Variants in CREB3L2 observed in about 807,000 individuals in gnomAD.
CREB3L2 encodes the protein cAMP responsive element binding protein 3 like 2, also known as cyclic AMP-responsive element-binding protein 3-like protein 2.
In CREB3L2, 23 loss-of-function variants were observed where a neutral mutation model predicts 57.2. That is an observed-to-expected ratio of 0.40 (90% CI 0.29 to 0.57). CREB3L2 has a LOEUF of 0.57. Ranked by LOEUF, CREB3L2 falls within the 20% of genes least tolerant of loss-of-function variation. CREB3L2 has a pLI of 0.42. For missense variants in CREB3L2, 628 were observed against 634.7 expected (o/e 0.99, Z 0.11); for synonymous variants, 268 against 265.1 (o/e 1.01, Z -0.11).
chr7:137,941,090 C>T lies in CREB3L2; in HGVS notation c.103-12724G>A, dbSNP rs189705585. On this transcript the variant is annotated intron_variant, in intron 1 of 11. Coordinates refer to ENST00000330387, the MANE Select transcript of CREB3L2 (RefSeq NM_194071.4). Reference sequence around the variant, plus strand: ...CATGTGTTGAGACATACCAGGGGATCTTAGCCTTTGAAACCCTTGTGTTAT... The same window carrying T: ...CATGTGTTGAGACATACCAGGGGATTTTAGCCTTTGAAACCCTTGTGTTAT... Among the ~76,000 whole-genome samples, 589 of 152,300 alleles carry T rather than the reference C, an allele frequency of 3.9e-3. 5 individuals carry two copies. Among genetic ancestry groups the T allele is most frequent in the African/African-American group, 0.013 (544 of 41,566 alleles).
chr7:137,991,457 C>T (rs1585681534), intron 1 of CREB3L2, among the ~76,000 whole-genome samples: 1 of 152,018 alleles, frequency 6.6e-6, no homozygotes, highest in East Asian at 1.9e-4. Context: ...AGCCACCGCG[C>T]CTGGCCTTAA....
intron 8 of CREB3L2, among the ~76,000 whole-genome samples, chr7:137,899,817 A>G (rs1799715402): frequency 6.6e-6 from 1 of 152,228 alleles, no homozygotes; most frequent in African/African-American, 2.4e-5. Context: ...GCTTATGTCT[A>G]TATTAGCTGG....
intron 2 of CREB3L2, among the ~76,000 whole-genome samples, 189 bp downstream of exon 2, chr7:137,927,961 G>A (rs75361288): frequency 0.027 from 4,066 of 152,194 alleles, 104 homozygotes; most frequent in East Asian, 0.11. Context: ...GGGAACCTGG[G>A]CAGTGTAGAG....
chr7:137,887,120 G>A (rs530682047), intron 8 of CREB3L2, among the ~76,000 whole-genome samples: 1 of 152,276 alleles, frequency 6.6e-6, no homozygotes, highest in East Asian at 1.9e-4. Flanking sequence ...TAAGTTCACT[G>A]GAAAACATCA....
chr7:137,985,221 T>C (rs530130434), intron 1 of CREB3L2, among the ~76,000 whole-genome samples: 2 of 152,274 alleles, frequency 1.3e-5, no homozygotes, highest in South Asian at 2.1e-4. Flanking sequence ...AAAATGCTAG[T>C]TGGTCCAGAT....
rs185658503 is a variant in CREB3L2 at position 137,908,709 on chromosome 7, C to T, written c.584-273G>A. Reference sequence around the variant, plus strand: ...CGACCAGGGGCCAGGCAAGGTGGCTCATGGCTGTAATCCCAGCACTTTGGG... The same window carrying T: ...CGACCAGGGGCCAGGCAAGGTGGCTTATGGCTGTAATCCCAGCACTTTGGG... On this transcript the variant is annotated intron_variant, in intron 4 of 11. Coordinates refer to ENST00000330387, the MANE Select transcript of CREB3L2 (RefSeq NM_194071.4). Among the ~76,000 whole-genome samples the T allele has an allele frequency of 2.1e-4, 32 of 152,274 alleles. No homozygotes were observed. The East Asian group carries it at 6.2e-3, about 29-fold the overall frequency.
At chr7:137,911,341 G>C (rs183020977) in intron 4 of CREB3L2, among the ~76,000 whole-genome samples, 99 of 152,260 alleles carry the variant, frequency 6.5e-4, no homozygotes, top group African/African-American at 2.2e-3. Flanking sequence ...TAAAGGGCCA[G>C]CCCTGATTAC....
At chr7:137,996,227 A>C (rs1443783308) in intron 1 of CREB3L2, among the ~76,000 whole-genome samples, 1 of 152,234 alleles carries the variant, frequency 6.6e-6, no homozygotes, top group African/African-American at 2.4e-5. Context: ...TCTTACTAAC[A>C]CTAAAATTTC....
chr7:137,885,101 G>C lies in CREB3L2; in HGVS notation c.1164C>G (p.Ala388=). 1.2e-6 allele frequency: 2 copies of C among 1,614,108 alleles called. No individual in the cohort carries two copies. The highest frequency in any genetic ancestry group is 1.7e-6 in the Non-Finnish European group (2 of 1,180,018). The change falls in exon 10 of 12, where the codon GCC becomes GCG. Residue 388 remains alanine, a synonymous_variant. Coordinates refer to ENST00000330387, the MANE Select transcript of CREB3L2 (RefSeq NM_194071.4). ...TCLMVVVLCF[A]VAFGSFFQGY... is the part of the protein sequence containing the mutation. ...CTTGAAAGAAGCTGCCGAATGCAAC[G>C]GCAAAGCACAGCACCACAACCTGTG...
rs190971680 is a variant in CREB3L2 at position 137,970,792 on chromosome 7, G to C, written c.102+30812C>G. ...GACAGCAGGCGTGGGGCCAGCAACCGTTAAACACACTTTTGTATCCTCCAC... is the reference window on the plus strand; with the variant it reads ...GACAGCAGGCGTGGGGCCAGCAACCCTTAAACACACTTTTGTATCCTCCAC... On this transcript the variant is annotated intron_variant, in intron 1 of 11. Transcript: ENST00000330387. Among the ~76,000 whole-genome samples, 564 of 152,258 alleles carry C rather than the reference G, an allele frequency of 3.7e-3. 3 individuals carry two copies. The highest frequency in any genetic ancestry group is 6.8e-3 in the Middle Eastern group (2 of 294).
chr7:137,983,210 G>A (rs77401577), intron 1 of CREB3L2, among the ~76,000 whole-genome samples: 4,652 of 152,160 alleles, frequency 0.031, 120 homozygotes, highest in Middle Eastern at 0.051. Context: ...CCAACCACAC[G>A]GCCCTATGAC....
At chr7:137,916,610 T>A (rs1585622180) in intron 2 of CREB3L2, among the ~76,000 whole-genome samples, 1 of 151,762 alleles carries the variant, frequency 6.6e-6, no homozygotes, top group African/African-American at 2.4e-5. Flanking sequence ...CCCAGCTACT[T>A]GGGAGGCTGA....
At chr7:137,922,440 A>ATATATATATATATATATATATATACG (rs1563253418) in intron 2 of CREB3L2, 1 of 19,292 alleles carries the variant, frequency 5.2e-5, no homozygotes, top group Non-Finnish European at 9.8e-5. Flanking sequence ...ATATATACGT[A>ATATATATATATATATATATATATACG]TATATATATA....
At chr7:137,916,793 C>T (rs772529212) in intron 2 of CREB3L2, among the ~76,000 whole-genome samples, 3 of 150,926 alleles carry the variant, frequency 2.0e-5, no homozygotes, top group African/African-American at 4.9e-5. Flanking sequence ...AGAGTGAGAG[C>T]GAGAGCGAGA....
chr7:137,908,073 C>T (rs879043614), intron 5 of CREB3L2, among the ~76,000 whole-genome samples, 179 bp downstream of exon 5: 6 of 152,152 alleles, frequency 3.9e-5, no homozygotes, highest in Non-Finnish European at 7.3e-5. Flanking sequence ...GTGAGATGTG[C>T]GGGCAGTTCC....
chr7:137,940,704 A>T (rs534840263), intron 1 of CREB3L2, among the ~76,000 whole-genome samples: 1 of 152,318 alleles, frequency 6.6e-6, no homozygotes, highest in Middle Eastern at 3.4e-3. Flanking sequence ...TAATGCCAAA[A>T]ACATCAGGTA....
intron 8 of CREB3L2, among the ~76,000 whole-genome samples, chr7:137,891,767 T>C (rs1325152778): frequency 6.6e-6 from 1 of 151,962 alleles, no homozygotes; most frequent in Non-Finnish European, 1.5e-5. Context: ...TTAGTAGAGA[T>C]GGGGTTTCAC....
chr7:137,971,943 A>AT (rs1047670933), intron 1 of CREB3L2, among the ~76,000 whole-genome samples: 11 of 152,054 alleles, frequency 7.2e-5, no homozygotes, highest in East Asian at 3.9e-4. Flanking sequence ...AAAAAAAAAA[A>AT]AATAATGGCT....
chr7:137,906,552 A>T (rs1011677336), intron 5 of CREB3L2, among the ~76,000 whole-genome samples: 2 of 152,244 alleles, frequency 1.3e-5, no homozygotes, highest in Non-Finnish European at 1.5e-5. Context: ...TGTGATCAAG[A>T]CTGTGAGACT....
Sources: allele counts gnomAD v4.1 joint callset (sites outside exome capture counted in the v4.1 genomes callset), GRCh38; gene constraint gnomAD v4.1.1; transcripts MANE v1.5; gene names NCBI Gene and HGNC (gene_info 2026-07-23, HGNC 2026-07-21).